LINGO2: variants seen among roughly 807,000 people sequenced by gnomAD.
The protein encoded by LINGO2 is leucine-rich repeat and immunoglobulin-like domain-containing nogo receptor-interacting protein 2.
LINGO2 carries 14 observed loss-of-function variants against 30.6 expected under a neutral mutation model. That is an observed-to-expected ratio of 0.46 (90% CI 0.30 to 0.72). The LOEUF is 0.72. Ranked by LOEUF, LINGO2 falls within the 30% of genes least tolerant of loss-of-function variation. LINGO2 has a pLI of 0.07. For synonymous variants in LINGO2, 317 were observed against 288.5 expected, an observed-to-expected ratio of 1.10 and a Z score of -1.00; for missense variants, 729 against 751.7, an observed-to-expected ratio of 0.97 and a Z score of 0.35.
At chr9:28,350,485 C>T (rs973490335) in intron 3 of LINGO2, among the ~76,000 whole-genome samples, 2 of 148,928 alleles carry the variant, frequency 1.3e-5, no homozygotes, top group African/African-American at 5.0e-5. Flanking sequence ...TACAGGAGCA[C>T]CAAGATTCAT....
chr9:28,422,842 A>G (rs1823256809), intron 2 of LINGO2, among the ~76,000 whole-genome samples: 1 of 152,044 alleles, frequency 6.6e-6, no homozygotes. Context: ...TTTCAGGAAA[A>G]ATAAAAAGGA....
the LINGO2 span, among the ~76,000 whole-genome samples, chr9:28,844,803 A>G: frequency 2.0e-5 from 3 of 151,882 alleles, no homozygotes; most frequent in Non-Finnish European, 2.9e-5. Flanking sequence ...CCCAAATTCC[A>G]AGATATACAG....
intron 1 of LINGO2, among the ~76,000 whole-genome samples, chr9:28,502,809 C>A (rs187896285): frequency 1.3e-4 from 20 of 152,130 alleles, no homozygotes; most frequent in Admixed American, 1.2e-3. Flanking sequence ...ACAAGTATTG[C>A]CTTTTAGTGC....
At chr9:29,155,001 C>A in the LINGO2 span, among the ~76,000 whole-genome samples, 1 of 152,138 alleles carries the variant, frequency 6.6e-6, no homozygotes, top group Non-Finnish European at 1.5e-5. Context: ...AATTCCTCAG[C>A]AACAAAAGAG....
At chr9:28,419,400 T>G (rs569953196) in intron 2 of LINGO2, among the ~76,000 whole-genome samples, 1 of 152,274 alleles carries the variant, frequency 6.6e-6, no homozygotes, top group South Asian at 2.1e-4. Flanking sequence ...TATTTAGTAA[T>G]ACTATTGCCA....
Position 28,053,368 on chromosome 9 carries a change from G to C in LINGO2, c.-86-40963C>G, listed in dbSNP as rs144017755. Among the ~76,000 whole-genome samples the C allele has an allele frequency of 5.8e-3, 882 of 151,942 alleles. 8 individuals carry two copies. Among genetic ancestry groups the C allele is most frequent in the Non-Finnish European group, 7.0e-3 (477 of 67,952 alleles). On this transcript the variant is annotated intron_variant, in intron 4 of 5. Coordinates refer to ENST00000379992, the Ensembl canonical transcript of LINGO2. ...GAGTCGTAAGAGACAAAACTAGAAT[G>C]CTAAGCAGAAGCAAGATCATAAAAA...
intron 1 of LINGO2, among the ~76,000 whole-genome samples, chr9:28,653,653 C>T (rs2135981993): frequency 6.6e-6 from 1 of 152,232 alleles, no homozygotes; most frequent in African/African-American, 2.4e-5. Context: ...AGGAAACCAA[C>T]ACAATATAAA....
rs377307891 is a variant in LINGO2, at chr9:28,619,407, G to A, written c.-365+50793C>T. Among the ~76,000 whole-genome samples, 11 of 152,224 alleles carry A rather than the reference G, an allele frequency of 7.2e-5. No individual in the cohort carries two copies. In the South Asian group the frequency reaches 2.3e-3, roughly 32 times the overall value. ...TACGTTATTTCTACCACTTGCTGATGAGCTTCAGATAACCACCTATATATG... is the reference window on the plus strand; with the variant it reads ...TACGTTATTTCTACCACTTGCTGATAAGCTTCAGATAACCACCTATATATG... On this transcript the variant is annotated intron_variant, in intron 1 of 5. Coordinates refer to ENST00000379992, the Ensembl canonical transcript of LINGO2.
At chr9:28,698,873 C>T in the LINGO2 span, among the ~76,000 whole-genome samples, 1 of 151,942 alleles carries the variant, frequency 6.6e-6, no homozygotes, top group South Asian at 2.1e-4. Flanking sequence ...GAGACTCTAG[C>T]TCTACAAAAC....
intron 4 of LINGO2, among the ~76,000 whole-genome samples, chr9:28,273,624 G>GT (rs1823017710): frequency 6.6e-6 from 1 of 152,096 alleles, no homozygotes; most frequent in Non-Finnish European, 1.5e-5. Flanking sequence ...TCCATTTTGT[G>GT]TTTGCTTACT....
the LINGO2 span, among the ~76,000 whole-genome samples, chr9:28,967,097 A>G: frequency 1.3e-5 from 2 of 152,144 alleles, no homozygotes; most frequent in Non-Finnish European, 2.9e-5. Context: ...ACTAGACTGT[A>G]TCTCTAATGC....
intron 2 of LINGO2, among the ~76,000 whole-genome samples, chr9:28,441,458 G>C (rs1564201323): frequency 6.7e-6 from 1 of 149,742 alleles, no homozygotes; most frequent in African/African-American, 2.5e-5. Flanking sequence ...CTTCATGTTA[G>C]TTCTCAAGCT....
intron 4 of LINGO2, among the ~76,000 whole-genome samples, chr9:28,287,000 T>G (rs1210770128): frequency 1.3e-5 from 2 of 152,182 alleles, no homozygotes; most frequent in Non-Finnish European, 2.9e-5. Context: ...AGCACAGGTT[T>G]AGATATTCAT....
chr9:28,108,329 G>T, intron 4 of LINGO2, among the ~76,000 whole-genome samples: 1 of 152,096 alleles, frequency 6.6e-6, no homozygotes, highest in East Asian at 1.9e-4. Flanking sequence ...TACCTTTGAA[G>T]AGTCTTCAGG....
the LINGO2 span, among the ~76,000 whole-genome samples, chr9:28,939,295 G>T: frequency 2.0e-5 from 3 of 152,120 alleles, no homozygotes; most frequent in Non-Finnish European, 4.4e-5. Flanking sequence ...ATCTACATTT[G>T]AGGTTGGAAT....
intron 4 of LINGO2, among the ~76,000 whole-genome samples, chr9:28,092,320 G>C (rs1826115972): frequency 6.6e-6 from 1 of 152,046 alleles, no homozygotes; most frequent in African/African-American, 2.4e-5. Flanking sequence ...TGATAGACTG[G>C]ATTAAGAAAA....
the LINGO2 span, among the ~76,000 whole-genome samples, chr9:28,900,927 C>T: frequency 3.2e-4 from 49 of 151,798 alleles, no homozygotes; most frequent in Admixed American, 1.6e-3. Flanking sequence ...TAATAAGTGA[C>T]GAAAGTAAGA....
At chr9:28,572,139 C>CT (rs1823726663) in intron 1 of LINGO2, among the ~76,000 whole-genome samples, 2 of 152,104 alleles carry the variant, frequency 1.3e-5, no homozygotes, top group South Asian at 4.2e-4. Flanking sequence ...CCAGGAAATT[C>CT]TTTTTTTCTC....
intron 2 of LINGO2, among the ~76,000 whole-genome samples, chr9:28,374,904 G>A (rs2134592179): frequency 6.6e-6 from 1 of 152,060 alleles, no homozygotes; most frequent in East Asian, 1.9e-4. Flanking sequence ...AGAAACTGAA[G>A]GCAAACAAAA....
Sources: gnomAD v4.1 joint callset for allele counts (sites outside exome capture counted in the v4.1 genomes callset) on GRCh38, gnomAD v4.1.1 for gene constraint, MANE v1.5 for transcripts, NCBI Gene and HGNC (gene_info 2026-07-23, HGNC 2026-07-21) for gene names.